XXYLT1: variants seen among roughly 807,000 people sequenced by gnomAD.
XXYLT1 encodes the protein xyloside xylosyltransferase 1.
Under a neutral mutation model 28.9 loss-of-function variants are expected in XXYLT1, and 20 were observed. The ratio of observed to expected loss-of-function variants is 0.69; its 90% CI spans 0.49 to 1.00. The LOEUF (loss-of-function observed/expected upper bound fraction) is 1.00. Ranked by LOEUF, XXYLT1 falls within the 50% of genes least tolerant of loss-of-function variation. The pLI is 0.00. For missense variants in XXYLT1, 542 were observed against 560.1 expected, an observed-to-expected ratio of 0.97 and a Z score of 0.33; for synonymous variants, 257 against 253.8, an observed-to-expected ratio of 1.01 and a Z score of -0.12.
chr3:195,104,075 C>T (rs1224860577), intron 3 of XXYLT1, among the ~76,000 whole-genome samples: 1 of 152,144 alleles, frequency 6.6e-6, no homozygotes, highest in Non-Finnish European at 1.5e-5. Context: ...GATGGACCCA[C>T]AGTTTAGAAT....
intron 3 of XXYLT1, among the ~76,000 whole-genome samples, chr3:195,148,860 A>G (rs1720022763): frequency 6.6e-6 from 1 of 152,200 alleles, no homozygotes; most frequent in South Asian, 2.1e-4. Context: ...TTAAGAAACT[A>G]ATAGACTGAA....
At chr3:195,109,414 G>GGT (rs56018737) in intron 3 of XXYLT1, among the ~76,000 whole-genome samples, 108,594 of 150,786 alleles carry the variant, frequency 0.72, 39,495 homozygotes, top group African/African-American at 0.77. Flanking sequence ...GCATGTGTAT[G>GGT]GTGTGTGTGT....
At chr3:195,212,145 TCTG>T (rs1723346062) in intron 2 of XXYLT1, among the ~76,000 whole-genome samples, 1 of 143,830 alleles carries the variant, frequency 7.0e-6, no homozygotes, top group African/African-American at 2.7e-5. Flanking sequence ...ACCGGGAAGA[TCTG>T]GAGGAGGAGA....
chr3:195,089,479 G>C (rs1344000210), intron 3 of XXYLT1, among the ~76,000 whole-genome samples: 1 of 152,018 alleles, frequency 6.6e-6, no homozygotes, highest in Non-Finnish European at 1.5e-5. Context: ...CAAATGCTGA[G>C]AGATTTTGTC....
At chr3:195,238,067 A>T (rs1485851534) in intron 1 of XXYLT1, among the ~76,000 whole-genome samples, 1 of 151,814 alleles carries the variant, frequency 6.6e-6, no homozygotes, top group Non-Finnish European at 1.5e-5. Context: ...ACCTCCGACG[A>T]CTCGTCGCTC....
intron 1 of XXYLT1, among the ~76,000 whole-genome samples, chr3:195,242,931 T>C (rs1435395406): frequency 6.6e-6 from 1 of 152,170 alleles, no homozygotes; most frequent in African/African-American, 2.4e-5. Flanking sequence ...AGACGCCTTT[T>C]CTGTTAGAAA....
At chr3:195,219,935 AC>A (rs919610585) in intron 2 of XXYLT1, among the ~76,000 whole-genome samples, 1 of 152,004 alleles carries the variant, frequency 6.6e-6, no homozygotes, top group African/African-American at 2.4e-5. Context: ...CCCAAATCCT[AC>A]CTTTTGAGGG....
intron 3 of XXYLT1, among the ~76,000 whole-genome samples, chr3:195,130,272 ACT>A (rs1381353510): frequency 2.0e-5 from 3 of 152,050 alleles, no homozygotes; most frequent in Non-Finnish European, 4.4e-5. Flanking sequence ...TTTAGAGATG[ACT>A]CTGGAGCTGG....
intron 2 of XXYLT1, among the ~76,000 whole-genome samples, chr3:195,198,003 C>A (rs1452256274): frequency 2.6e-5 from 4 of 152,256 alleles, no homozygotes; most frequent in Non-Finnish European, 5.9e-5. Flanking sequence ...GCTAATCGGG[C>A]TTCACCCTCG....
At chr3:195,215,335 T>C (rs1246799807) in intron 2 of XXYLT1, among the ~76,000 whole-genome samples, 1 of 127,550 alleles carries the variant, frequency 7.8e-6, no homozygotes, top group Non-Finnish European at 1.6e-5. Context: ...TAACTTTAAA[T>C]GTAAATGGAC....
In XXYLT1 at chr3:195,271,111, G is replaced by C; in HGVS notation, c.-53C>G. ...GCCAGCAACGCGGGAGAGCCCTCGG[G>C]TACCCGGACGCCGGCGGCCACTTAG... is the stretch of plus-strand genomic sequence containing the variant. On this transcript the variant is annotated 5_prime_UTR_variant, in exon 1 of 4. Coordinates refer to ENST00000310380, the MANE Select transcript of XXYLT1 (RefSeq NM_152531.5). 7.8e-7 allele frequency: 1 copy of C among 1,282,960 alleles called. No individual in the cohort carries two copies. The highest frequency in any genetic ancestry group is 9.8e-7 in the Non-Finnish European group (1 of 1,017,700). 79.5% of individuals were successfully genotyped at this position (1,282,960 alleles called of 1,614,324 possible).
At chr3:195,079,995 T>C (rs1244528211) in intron 3 of XXYLT1, among the ~76,000 whole-genome samples, 2 of 151,952 alleles carry the variant, frequency 1.3e-5, no homozygotes, top group Non-Finnish European at 2.9e-5. Flanking sequence ...ACTGTTAGTT[T>C]CAAATGGATG....
chr3:195,198,912 C>T (rs1722738000), intron 2 of XXYLT1, among the ~76,000 whole-genome samples: 1 of 152,052 alleles, frequency 6.6e-6, no homozygotes, highest in Admixed American at 6.6e-5. Flanking sequence ...CAGAGTTCTC[C>T]GACGGGAAGG....
intron 2 of XXYLT1, among the ~76,000 whole-genome samples, chr3:195,194,006 C>A (rs1722525891): frequency 6.6e-6 from 1 of 151,710 alleles, no homozygotes; most frequent in Admixed American, 6.6e-5. Flanking sequence ...GCAAAGAATT[C>A]TTAGATAATG....
intron 3 of XXYLT1, among the ~76,000 whole-genome samples, chr3:195,130,246 G>GCTGC (rs1367401426): frequency 6.6e-6 from 1 of 152,226 alleles, no homozygotes; most frequent in African/African-American, 2.4e-5. Context: ...ACAGGTAGGA[G>GCTGC]CTGCCCATTA....
At chr3:195,183,434 A>G (rs1022546699) in intron 2 of XXYLT1, 4 of 152,220 alleles carry the variant, frequency 2.6e-5, no homozygotes, top group Non-Finnish European at 4.4e-5. Context: ...TTCCTAAACA[A>G]TGTGGAACTG....
intron 2 of XXYLT1, among the ~76,000 whole-genome samples, chr3:195,216,124 C>T (rs962761745): frequency 5.9e-5 from 9 of 151,278 alleles, no homozygotes; most frequent in Non-Finnish European, 7.4e-5. Flanking sequence ...TTGAAACCAA[C>T]GAGAACATAC....
intron 1 of XXYLT1, among the ~76,000 whole-genome samples, chr3:195,258,815 T>A (rs886563199): frequency 1.3e-5 from 2 of 150,534 alleles, no homozygotes; most frequent in African/African-American, 2.4e-5. Context: ...GAGGGAGGAG[T>A]GTCAGAGAAG....
chr3:195,196,087 G>A (rs1430620593), intron 2 of XXYLT1, among the ~76,000 whole-genome samples: 1 of 152,216 alleles, frequency 6.6e-6, no homozygotes, highest in Non-Finnish European at 1.5e-5. Context: ...GCGCCGTCCA[G>A]CAGAACCCTG....
Sources: gnomAD v4.1 joint callset for allele counts (sites outside exome capture counted in the v4.1 genomes callset) on GRCh38, gnomAD v4.1.1 for gene constraint, MANE v1.5 for transcripts, NCBI Gene and HGNC (gene_info 2026-07-23, HGNC 2026-07-21) for gene names.